Variants in ZMAT4 observed in about 807,000 individuals in gnomAD.
ZMAT4 encodes zinc finger matrin-type 4.
Under a neutral mutation model 28.7 loss-of-function variants are expected in ZMAT4, and 17 were observed. The ratio of observed to expected loss-of-function variants is 0.59; its 90% confidence interval spans 0.41 to 0.89. The LOEUF (loss-of-function observed/expected upper bound fraction) is 0.89, where lower values mean the gene tolerates loss of function less well. Ranked by LOEUF, ZMAT4 falls within the 40% of genes least tolerant of loss-of-function variation. The pLI is 0.00. For missense variants in ZMAT4, 240 were observed against 283.8 expected (o/e 0.85, Z 1.11); for synonymous variants, 117 against 109.2 (o/e 1.07, Z -0.44).
intron 3 of ZMAT4, among the ~76,000 whole-genome samples, chr8:40,700,545 A>G (rs1810096496): frequency 6.6e-6 from 1 of 151,388 alleles, no homozygotes; most frequent in Admixed American, 6.6e-5. Flanking sequence ...CAACCTCCAG[A>G]GTAGCTAGGA....
intron 6 of ZMAT4, among the ~76,000 whole-genome samples, chr8:40,558,517 G>C (rs947856240): frequency 6.6e-6 from 1 of 152,060 alleles, no homozygotes; most frequent in Non-Finnish European, 1.5e-5. Flanking sequence ...TGTGGAAATG[G>C]AGGGGAAGGA....
intron 3 of ZMAT4, among the ~76,000 whole-genome samples, chr8:40,722,336 TATATA>T (rs1811137737): frequency 6.6e-6 from 1 of 152,232 alleles, no homozygotes; most frequent in African/African-American, 2.4e-5. Flanking sequence ...TCCTACACCT[TATATA>T]GCTTTGTCTT....
At chr8:40,692,405 C>T (rs919371297) in intron 4 of ZMAT4, among the ~76,000 whole-genome samples, 1 of 152,196 alleles carries the variant, frequency 6.6e-6, no homozygotes, top group African/African-American at 2.4e-5. Flanking sequence ...TTCATAAAAG[C>T]TTATAACTGA....
intron 1 of ZMAT4, among the ~76,000 whole-genome samples, chr8:40,875,048 C>T (rs1817991775): frequency 6.6e-6 from 1 of 152,168 alleles, no homozygotes; most frequent in Admixed American, 6.5e-5. Context: ...TTGTTGGTAC[C>T]TCACCCAGGA....
At chr8:40,813,184 A>G (rs569864957) in intron 2 of ZMAT4, among the ~76,000 whole-genome samples, 55 of 152,206 alleles carry the variant, frequency 3.6e-4, no homozygotes, top group African/African-American at 1.3e-3. Flanking sequence ...ATTATGTAAA[A>G]AAAATCCATG....
At chr8:40,792,975 G>A (rs1814426762) in intron 2 of ZMAT4, among the ~76,000 whole-genome samples, 1 of 151,972 alleles carries the variant, frequency 6.6e-6, no homozygotes, top group African/African-American at 2.4e-5. Flanking sequence ...AGAGCACACA[G>A]GATTTTTCAG....
chr8:40,862,971 T>A (rs1187302349), intron 1 of ZMAT4, among the ~76,000 whole-genome samples: 8 of 147,092 alleles, frequency 5.4e-5, no homozygotes, highest in African/African-American at 1.5e-4. Flanking sequence ...AAATATAATT[T>A]AAAAAAAAAA....
rs1303423815 is a variant in ZMAT4 at position 40,530,924 on chromosome 8, G to T, written c.*1299C>A. The T allele has an allele frequency of 6.6e-6, 1 of 152,484 alleles. No homozygotes were observed. Among genetic ancestry groups the T allele is most frequent in the Non-Finnish European group, 1.5e-5 (1 of 68,022 alleles). The allele number at this position is 152,484 out of a possible 1,614,324, so 9.4% of individuals were successfully genotyped here. Reference sequence around the variant, plus strand: ...ACACTGTGCATTTCTGTGTCATTTTGTTTATTGCTCACTGAGTTGTTGCCA... The same window carrying T: ...ACACTGTGCATTTCTGTGTCATTTTTTTTATTGCTCACTGAGTTGTTGCCA... On this transcript the variant is annotated 3_prime_UTR_variant, in exon 7 of 7. Coordinates refer to ENST00000297737, the MANE Select transcript of ZMAT4 (RefSeq NM_024645.3).
intron 6 of ZMAT4, among the ~76,000 whole-genome samples, chr8:40,580,234 T>A (rs890145719): frequency 1.3e-5 from 2 of 152,000 alleles, no homozygotes; most frequent in African/African-American, 2.4e-5. Context: ...GGATGGTCTC[T>A]ATCTGCTGAC....
intron 2 of ZMAT4, among the ~76,000 whole-genome samples, chr8:40,793,459 G>C (rs191283518): frequency 6.6e-6 from 1 of 152,134 alleles, no homozygotes; most frequent in African/African-American, 2.4e-5. Flanking sequence ...TTTTCCAATC[G>C]GGCAAGGGCT....
chr8:40,752,122 G>C (rs968968544), intron 3 of ZMAT4, among the ~76,000 whole-genome samples: 10 of 152,228 alleles, frequency 6.6e-5, no homozygotes, highest in Middle Eastern at 3.4e-3. Flanking sequence ...TCAGATCACT[G>C]CTGACTTCCT....
chr8:40,537,368 A>G (rs147662985), intron 6 of ZMAT4, among the ~76,000 whole-genome samples: 16 of 152,340 alleles, frequency 1.1e-4, no homozygotes, highest in African/African-American at 3.8e-4. Flanking sequence ...TAAAGAAATA[A>G]TTTAAGAAAA....
chr8:40,708,735 C>T (rs1810476642), intron 3 of ZMAT4, among the ~76,000 whole-genome samples: 2 of 151,036 alleles, frequency 1.3e-5, no homozygotes, highest in South Asian at 2.1e-4. Context: ...CTGCAACCTC[C>T]GCCACCCAGG....
At chr8:40,788,408 C>A (rs1036456507) in intron 2 of ZMAT4, among the ~76,000 whole-genome samples, 12 of 152,078 alleles carry the variant, frequency 7.9e-5, no homozygotes, top group African/African-American at 2.9e-4. Context: ...CATGGCGAAA[C>A]CCTGTCTCTA....
intron 3 of ZMAT4, among the ~76,000 whole-genome samples, chr8:40,719,371 G>A (rs989140045): frequency 6.6e-6 from 1 of 152,086 alleles, no homozygotes; most frequent in Non-Finnish European, 1.5e-5. Flanking sequence ...GAACCTTGGG[G>A]TCGGAGGTTG....
chr8:40,589,197 A>T (rs1463080915), intron 5 of ZMAT4, among the ~76,000 whole-genome samples: 1 of 152,148 alleles, frequency 6.6e-6, no homozygotes, highest in Non-Finnish European at 1.5e-5. Flanking sequence ...TACTCTTTGC[A>T]ACACTCTGGG....
intron 5 of ZMAT4, among the ~76,000 whole-genome samples, chr8:40,596,408 T>C (rs1226466304): frequency 1.3e-5 from 2 of 152,236 alleles, no homozygotes; most frequent in African/African-American, 2.4e-5. Context: ...AAAACACAAA[T>C]GCATTGCACA....
At chr8:40,730,120 C>T (rs1811474960) in intron 3 of ZMAT4, among the ~76,000 whole-genome samples, 1 of 152,060 alleles carries the variant, frequency 6.6e-6, no homozygotes, top group South Asian at 2.1e-4. Flanking sequence ...GTAAATGAAA[C>T]ATTTATCACA....
intron 4 of ZMAT4, among the ~76,000 whole-genome samples, chr8:40,684,057 T>C (rs72639674): frequency 0.05 from 7,541 of 150,114 alleles, 269 homozygotes; most frequent in Non-Finnish European, 0.077. Context: ...CCAGAGGAGA[T>C]CCCGTCTTAG....
Sources: allele counts gnomAD v4.1 joint callset (sites outside exome capture counted in the v4.1 genomes callset), GRCh38; gene constraint gnomAD v4.1.1; transcripts MANE v1.5; gene names NCBI Gene and HGNC (gene_info 2026-07-23, HGNC 2026-07-21).